Variants in ABCC4 observed in about 807,000 individuals in gnomAD.
The protein encoded by ABCC4 is ATP binding cassette subfamily C member 4 (PEL blood group).
ABCC4 carries 102 observed loss-of-function variants against 168.5 expected under a neutral mutation model. The observed-to-expected ratio is 0.61, with a 90% confidence interval of 0.52 to 0.71. ABCC4 has a LOEUF of 0.71. ABCC4 is among the 30% of genes least tolerant of loss of function. The probability of loss-of-function intolerance (pLI) is 0.00; values close to 1 mark genes in which losing one functional copy is unlikely to be tolerated. For missense variants in ABCC4, 1,402 were observed against 1,605.8 expected, an observed-to-expected ratio of 0.87 and a Z score of 2.17; for synonymous variants, 617 against 590.7, an observed-to-expected ratio of 1.04 and a Z score of -0.65.
intron 13 of ABCC4, among the ~76,000 whole-genome samples, chr13:95,175,300 T>C (rs1475914645): frequency 6.6e-6 from 1 of 152,120 alleles, no homozygotes; most frequent in African/African-American, 2.4e-5. Context: ...GAGAACCTTT[T>C]TTAAAATTTT....
At chr13:95,297,436 C>A (rs1344376131) in intron 1 of ABCC4, among the ~76,000 whole-genome samples, 1 of 152,024 alleles carries the variant, frequency 6.6e-6, no homozygotes, top group Non-Finnish European at 1.5e-5. Flanking sequence ...GTCAGTAAGC[C>A]AGTTATTGGC....
At chr13:95,195,451 G>A (rs1292278778) in intron 8 of ABCC4, among the ~76,000 whole-genome samples, 1 of 152,224 alleles carries the variant, frequency 6.6e-6, no homozygotes, top group African/African-American at 2.4e-5. Context: ...AGCCTCTGAA[G>A]GCAGCCCTGG....
intron 13 of ABCC4, among the ~76,000 whole-genome samples, chr13:95,171,212 C>T (rs535260062): frequency 6.6e-6 from 1 of 151,942 alleles, no homozygotes; most frequent in East Asian, 1.9e-4. Context: ...CAAAACTTCT[C>T]TCATTAGTCC....
In ABCC4 at chr13:95,175,440, G is replaced by C. The variant is rs539362756; in HGVS notation, c.1727+2267C>G. 3.7e-4 allele frequency among the ~76,000 whole-genome samples: 56 copies of C among 152,180 alleles called. No homozygotes were observed. The South Asian group carries it at 8.7e-3, about 24-fold the overall frequency. On this transcript the variant is annotated intron_variant, in intron 13 of 30. Coordinates refer to ENST00000645237, the MANE Select transcript of ABCC4 (RefSeq NM_005845.5). Reference sequence around the variant, plus strand: ...CAATTCTCCTGCCTCAGCCTCCAGAGTAGCTGGGATTACAGGCACCCGCCA... The same window carrying C: ...CAATTCTCCTGCCTCAGCCTCCAGACTAGCTGGGATTACAGGCACCCGCCA...
chr13:95,108,828 C>T (rs983169826), intron 20 of ABCC4, among the ~76,000 whole-genome samples: 7 of 151,926 alleles, frequency 4.6e-5, no homozygotes, highest in African/African-American at 1.7e-4. Flanking sequence ...CACTTTGTTC[C>T]CTTCTGGAGA....
chr13:95,207,535 T>A (rs754511727), intron 7 of ABCC4, among the ~76,000 whole-genome samples: 8 of 152,230 alleles, frequency 5.3e-5, no homozygotes, highest in Non-Finnish European at 1.0e-4. Flanking sequence ...TTGTTGGGAT[T>A]TGGGATATTC....
chr13:95,061,521 G>C (rs1387445160), intron 26 of ABCC4, among the ~76,000 whole-genome samples: 1 of 151,798 alleles, frequency 6.6e-6, no homozygotes, highest in East Asian at 1.9e-4. Context: ...ATATCCACAT[G>C]CCCAGAAAGC....
intron 1 of ABCC4, among the ~76,000 whole-genome samples, chr13:95,288,136 C>A (rs1303767725): frequency 6.6e-6 from 1 of 152,000 alleles, no homozygotes; most frequent in East Asian, 1.9e-4. Flanking sequence ...TTTTCTAAAT[C>A]ATAGAATAGG....
At chr13:95,088,003 C>T (rs1021060810) in intron 20 of ABCC4, among the ~76,000 whole-genome samples, 3 of 152,166 alleles carry the variant, frequency 2.0e-5, no homozygotes, top group African/African-American at 7.2e-5. Flanking sequence ...ACATTAATCA[C>T]TCCTTTCATC....
chr13:95,163,137 A>T lies in ABCC4; in HGVS notation c.2293T>A (p.Leu765Ile). 6.2e-7 allele frequency: 1 copy of T among 1,609,966 alleles called. No homozygotes were observed. The highest frequency in any genetic ancestry group is 8.5e-7 in the Non-Finnish European group (1 of 1,176,476). ...VTEKLDLNWY[L>I]GIYSGLTVAT... ...TAAACTTTACCTGAATAAATTCCTAAGTACCAGTTAAGATCTAGCTTCTCG... is the reference window on the plus strand; with the variant it reads ...TAAACTTTACCTGAATAAATTCCTATGTACCAGTTAAGATCTAGCTTCTCG... The change falls in exon 18 of 31, where the codon TTA (leucine) becomes ATA (isoleucine). Residue 765 changes from leucine (L) to isoleucine (I), a missense_variant. This residue lies in a region of ABCC4 where 1,007 missense variants were observed against 1,127.3 expected (regional missense o/e 0.89). Transcript: ENST00000645237.
intron 19 of ABCC4, among the ~76,000 whole-genome samples, chr13:95,137,267 C>T (rs139270652): frequency 9.2e-5 from 14 of 152,308 alleles, no homozygotes; most frequent in African/African-American, 2.9e-4. Flanking sequence ...AGGAAGGCCA[C>T]GTGTATTGAG....
Position 95,187,189 on chromosome 13 carries a change from T to C in ABCC4, c.1354-297A>G, listed in dbSNP as rs150582876. Among the ~76,000 whole-genome samples the C allele has an allele frequency of 7.2e-3, 1,097 of 152,342 alleles. 9 individuals carry two copies. The highest frequency in any genetic ancestry group is 0.026 in the South Asian group (124 of 4,830). On this transcript the variant is annotated intron_variant, in intron 10 of 30. Coordinates refer to ENST00000645237, the MANE Select transcript of ABCC4 (RefSeq NM_005845.5). ...ACGGAACAAAGATCAACTAAGAATG[T>C]TTACAGCAACAGAGTAGCCAAGCAT...
intron 14 of ABCC4, 43 bp downstream of exon 14, chr13:95,170,489 C>A (rs1226927970): frequency 7.9e-7 from 1 of 1,264,574 alleles, no homozygotes; most frequent in Admixed American, 1.9e-5. Context: ...ATTCAACACA[C>A]CCAAGTACTT....
chr13:95,250,665 TAG>T (rs1236189954), intron 1 of ABCC4, among the ~76,000 whole-genome samples: 1 of 151,952 alleles, frequency 6.6e-6, no homozygotes, highest in Non-Finnish European at 1.5e-5. Flanking sequence ...CAAGGGTTAG[TAG>T]AGAGTTTTGT....
intron 1 of ABCC4, among the ~76,000 whole-genome samples, chr13:95,279,291 A>G (rs1223613679): frequency 1.3e-5 from 2 of 152,202 alleles, no homozygotes; most frequent in African/African-American, 4.8e-5. Context: ...TGTGACTTTC[A>G]ATCTCTAAGC....
intron 4 of ABCC4, among the ~76,000 whole-genome samples, chr13:95,216,675 A>G (rs1383781493): frequency 1.3e-5 from 2 of 151,696 alleles, no homozygotes; most frequent in Admixed American, 1.3e-4. Context: ...GAAATCCACT[A>G]TTACACAAAG....
At chr13:95,248,845 G>C (rs1033550575) in intron 1 of ABCC4, among the ~76,000 whole-genome samples, 4 of 152,086 alleles carry the variant, frequency 2.6e-5, no homozygotes, top group African/African-American at 9.7e-5. Context: ...CCAGAAGCTC[G>C]AGACCAGCCC....
chr13:95,059,399 C>G (rs2033200037), intron 26 of ABCC4, among the ~76,000 whole-genome samples: 1 of 152,188 alleles, frequency 6.6e-6, no homozygotes, highest in Non-Finnish European at 1.5e-5. Context: ...TGTAACTTGT[C>G]TGGGACGCAA....
At chr13:95,022,209 A>G (rs1373829351) in intron 30 of ABCC4, among the ~76,000 whole-genome samples, 2 of 152,226 alleles carry the variant, frequency 1.3e-5, no homozygotes, top group African/African-American at 2.4e-5. Flanking sequence ...TATAGGGCCT[A>G]TAGAAATGTG....
Sources: allele counts gnomAD v4.1 joint callset (sites outside exome capture counted in the v4.1 genomes callset), GRCh38; gene constraint gnomAD v4.1.1; regional missense constraint gnomAD v4.1.1; transcripts MANE v1.5; gene names NCBI Gene and HGNC (gene_info 2026-07-23, HGNC 2026-07-21).